The following EYS variants were observed in gnomAD, a reference collection of about 807,000 sequenced individuals.
EYS encodes the protein protein eyes shut homolog.
A neutral mutation model predicts 282.1 loss-of-function variants in EYS; 250 were observed. The observed-to-expected ratio is 0.89, with a 90% CI of 0.80 to 0.98. EYS has a LOEUF of 0.98. Among genes scored for constraint, EYS ranks in the 50% least tolerant of loss-of-function variants. The pLI is 0.00. For missense variants in EYS, 4,016 were observed against 3,709.0 expected, an observed-to-expected ratio of 1.08 and a Z score of -2.15; for synonymous variants, 1,355 against 1,282.9, an observed-to-expected ratio of 1.06 and a Z score of -1.20.
chr6:65,491,831 C>T (rs190496832), intron 4 of EYS, among the ~76,000 whole-genome samples: 30 of 152,142 alleles, frequency 2.0e-4, no homozygotes, highest in African/African-American at 6.3e-4. Flanking sequence ...TAGAGAAGTA[C>T]GCAATTAAGG....
intron 26 of EYS, among the ~76,000 whole-genome samples, chr6:64,552,277 G>T (rs1765106412): frequency 6.6e-6 from 1 of 152,176 alleles, no homozygotes; most frequent in Non-Finnish European, 1.5e-5. Flanking sequence ...GGTTCTGAAA[G>T]AAATTGAAGT....
At chr6:65,388,379 A>G (rs1765879633) in intron 7 of EYS, among the ~76,000 whole-genome samples, 1 of 151,998 alleles carries the variant, frequency 6.6e-6, no homozygotes, top group Admixed American at 6.6e-5. Flanking sequence ...GAGAGGTGCT[A>G]TATAATTAAT....
At chr6:64,326,956 A>G (rs1194964781) in intron 29 of EYS, among the ~76,000 whole-genome samples, 2 of 152,124 alleles carry the variant, frequency 1.3e-5, no homozygotes, top group East Asian at 3.9e-4. Flanking sequence ...GAACACTGGG[A>G]GAGGCCCACT....
chr6:65,413,425 A>T (rs1223790852), intron 5 of EYS, among the ~76,000 whole-genome samples: 3 of 152,158 alleles, frequency 2.0e-5, no homozygotes, highest in Non-Finnish European at 4.4e-5. Context: ...CTAGTAATAA[A>T]TGATGTTAAG....
intron 33 of EYS, among the ~76,000 whole-genome samples, chr6:64,045,442 T>TTTTATTTTATTTTATTTTATTTTATTTTA (rs1562172118): frequency 4.0e-5 from 5 of 124,292 alleles, no homozygotes; most frequent in African/African-American, 1.4e-4. Flanking sequence ...ATTTTATTTA[T>TTTTATTTTATTTTATTTTATTTTATTTTA]TTTATTTTAT....
Position 65,057,662 on chromosome 6 carries a change from T to G in EYS, c.2089A>C (p.Ile697Leu), listed in dbSNP as rs753855016. Reference protein sequence around the residue: ...SHPCKNGATCIDQPGNYFCQC... With the variant: ...SHPCKNGATCLDQPGNYFCQC... ...CAGAAGTAATTACCAGGTTGGTCAA[T>G]GCAGGTGGCTCCATTTTTGCAGGGA... The change falls in exon 13 of 43, where the codon ATT (isoleucine) becomes CTT (leucine). Residue 697 changes from isoleucine to leucine, a missense_variant. Physicochemically the swap from Ile to Leu is conservative, Grantham distance 5 (BLOSUM62 2). Coordinates refer to ENST00000503581, the MANE Select transcript of EYS (RefSeq NM_001142800.2). 3.2e-6 allele frequency: 5 copies of G among 1,551,126 alleles called. No individual in the cohort carries two copies. The African/African-American group carries it at 6.8e-5, about 21-fold the overall frequency.
At chr6:63,838,388 T>A (rs1000919220) in intron 36 of EYS, among the ~76,000 whole-genome samples, 4 of 152,208 alleles carry the variant, frequency 2.6e-5, no homozygotes, top group Non-Finnish European at 5.9e-5. Context: ...CCAAAGATGC[T>A]AAAGGCTTCA....
chr6:64,319,965 A>G (rs1281797137), intron 29 of EYS, among the ~76,000 whole-genome samples: 2 of 151,894 alleles, frequency 1.3e-5, no homozygotes, highest in African/African-American at 4.8e-5. Flanking sequence ...GCTTCCTTTA[A>G]CACATCTTAT....
At chr6:64,188,839 G>A (rs1765021774) in intron 31 of EYS, among the ~76,000 whole-genome samples, 1 of 152,100 alleles carries the variant, frequency 6.6e-6, no homozygotes, top group Non-Finnish European at 1.5e-5. Context: ...AGTAGGAAAA[G>A]GGGTGGTTTC....
At chr6:64,233,243 T>C (rs1196208171) in intron 30 of EYS, among the ~76,000 whole-genome samples, 1 of 152,202 alleles carries the variant, frequency 6.6e-6, no homozygotes, top group African/African-American at 2.4e-5. Flanking sequence ...AAATCAATTT[T>C]TGAAAGAAAC....
chr6:65,322,795 CAAAAAAA>C (rs57571912), intron 11 of EYS, among the ~76,000 whole-genome samples: 8,500 of 71,506 alleles, frequency 0.12, 319 homozygotes, highest in Middle Eastern at 0.26. Flanking sequence ...GAATCCGTCT[CAAAAAAA>C]AAAAAAAAAA....
At chr6:64,690,770 A>G (rs1171641314) in intron 22 of EYS, among the ~76,000 whole-genome samples, 1 of 151,506 alleles carries the variant, frequency 6.6e-6, no homozygotes, top group Non-Finnish European at 1.5e-5. Context: ...ATAGGCGGGA[A>G]TTGAATAATG....
intron 22 of EYS, among the ~76,000 whole-genome samples, chr6:64,736,098 A>G (rs1241527712): frequency 1.3e-5 from 2 of 152,056 alleles, no homozygotes; most frequent in Non-Finnish European, 2.9e-5. Context: ...TTCTTCTGAT[A>G]GCATATACTA....
Position 65,402,461 on chromosome 6 carries a change from C to T in EYS, c.1184+17G>A. ...CCATGTACTTTGTATTAAAAATAAA[C>T]AGAAAATTAATTATACCTGCAAGGA... On this transcript the variant is annotated intron_variant, in intron 7 of 42. Transcript: ENST00000503581. The T allele has an allele frequency of 6.9e-7, 1 of 1,446,082 alleles. No individual in the cohort carries two copies. Among genetic ancestry groups the T allele is most frequent in the Admixed American group, 1.7e-5 (1 of 59,312 alleles). The allele number at this position is 1,446,082 out of a possible 1,614,324, so 89.6% of individuals were successfully genotyped here.
chr6:65,105,158 T>A (rs1485373105), intron 12 of EYS, among the ~76,000 whole-genome samples: 2 of 151,788 alleles, frequency 1.3e-5, no homozygotes, highest in African/African-American at 4.8e-5. Flanking sequence ...TATATGAGTA[T>A]GCAGGTTTGT....
Position 64,014,256 on chromosome 6 carries a change from AC to A in EYS, c.6726-15074del. On this transcript the variant is annotated intron_variant, in intron 33 of 42. Transcript: ENST00000503581. Reference sequence around the variant, plus strand: ...GATATTGGTAGGTGGAGATTCACTCACATTAGGTGGTAAATGAAAAGGCCAT... The same window carrying A: ...GATATTGGTAGGTGGAGATTCACTCAATTAGGTGGTAAATGAAAAGGCCAT... Among the ~76,000 whole-genome samples, 3 of 152,238 alleles carry A rather than the reference AC, an allele frequency of 2.0e-5. No individual in the cohort carries two copies. The Middle Eastern group carries it at 0.01, about 518-fold the overall frequency.
At position 63,861,461 on chromosome 6, in the gene EYS, A is replaced by C. The variant is rs61255345; in HGVS notation, c.7228+2725T>G. 8.4e-4 allele frequency among the ~76,000 whole-genome samples: 128 copies of C among 152,348 alleles called. 1 individual carries two copies. The East Asian group carries it at 0.021, about 25-fold the overall frequency. ...CCATCAGAATAGTTTAAACAGATAC[A>C]CAAAAGTCACTAGCCCTTTTCAAGC... On this transcript the variant is annotated intron_variant, in intron 36 of 42. Transcript: ENST00000503581.
At chr6:64,397,444 T>C (rs1773416230) in intron 28 of EYS, among the ~76,000 whole-genome samples, 2 of 152,076 alleles carry the variant, frequency 1.3e-5, no homozygotes, top group Admixed American at 6.6e-5. Context: ...GTGTTTTCTT[T>C]GTGGAGATGA....
chr6:65,052,401 A>G (rs1346435221), intron 13 of EYS, among the ~76,000 whole-genome samples: 2 of 151,726 alleles, frequency 1.3e-5, no homozygotes, highest in East Asian at 3.9e-4. Flanking sequence ...ATCAAGACAA[A>G]TTTATACAAA....
Sources: allele counts gnomAD v4.1 joint callset (sites outside exome capture counted in the v4.1 genomes callset), GRCh38; gene constraint gnomAD v4.1.1; transcripts MANE v1.5; gene names NCBI Gene and HGNC (gene_info 2026-07-23, HGNC 2026-07-21).